WNT2: variants seen among roughly 807,000 people sequenced by gnomAD.
WNT2 encodes the protein Wnt family member 2.
WNT2 carries 12 observed loss-of-function variants against 36.9 expected under a neutral mutation model. The observed-to-expected ratio is 0.33, with a 90% CI of 0.21 to 0.53. WNT2 has a LOEUF of 0.53. WNT2 is among the 20% of genes least tolerant of loss of function. The pLI, the probability that WNT2 is intolerant of heterozygous loss-of-function variation, is 0.95. For synonymous variants in WNT2, 163 were observed against 174.6 expected, an observed-to-expected ratio of 0.93 and a Z score of 0.52; for missense variants, 379 against 473.1, an observed-to-expected ratio of 0.80 and a Z score of 1.84.
chr7:117,286,971 C>A (rs968640229), intron 4 of WNT2, among the ~76,000 whole-genome samples: 1 of 152,234 alleles, frequency 6.6e-6, no homozygotes, highest in South Asian at 2.1e-4. Context: ...TGTAGTCCAC[C>A]TATACCTGCT....
chr7:117,277,379 T>C lies in WNT2; in HGVS notation c.*776A>G, dbSNP rs1237196290. 6.6e-6 allele frequency: 1 copy of C among 152,254 alleles called. No individual in the cohort carries two copies. Among genetic ancestry groups the C allele is most frequent in the Admixed American group, 6.5e-5 (1 of 15,290 alleles). 9.4% of individuals were successfully genotyped at this position (152,254 alleles called of 1,614,324 possible). A position where few individuals can be genotyped will look rare whatever the true frequency, so the allele number is the denominator to read the frequency against. ...CTTCTTTTTAATTCCCTTCGGATTC[T>C]AAGTGAGAAGGAACTCTCATTCCCT... On this transcript the variant is annotated 3_prime_UTR_variant, in exon 5 of 5. Transcript: ENST00000265441.
intron 2 of WNT2, among the ~76,000 whole-genome samples, chr7:117,318,503 A>G (rs1035503936): frequency 6.6e-6 from 1 of 152,206 alleles, no homozygotes; most frequent in Non-Finnish European, 1.5e-5. Context: ...ATCTGAAGGA[A>G]GTACAAGTTA....
At position 117,321,737 on chromosome 7, in the gene WNT2, T is replaced by C. The variant is rs191743588; in HGVS notation, c.84-944A>G. Among the ~76,000 whole-genome samples the C allele has an allele frequency of 1.3e-3, 205 of 152,292 alleles. 2 individuals are homozygous for C. Among genetic ancestry groups the C allele is most frequent in the Middle Eastern group, 6.8e-3 (2 of 294 alleles). ...ACAATGTGACAAAAAGCCTGAGCAA[T>C]AAATAATGTTTATACACCCATGGAA... On this transcript the variant is annotated intron_variant, in intron 1 of 4. Coordinates refer to ENST00000265441, the MANE Select transcript of WNT2 (RefSeq NM_003391.3).
At chr7:117,317,442 T>C (rs1795243144) in intron 2 of WNT2, among the ~76,000 whole-genome samples, 1 of 152,248 alleles carries the variant, frequency 6.6e-6, no homozygotes, top group Non-Finnish European at 1.5e-5. Context: ...TTCCTTTATT[T>C]AAATTAAAAA....
At chr7:117,281,724 TA>T (rs1184037877) in intron 4 of WNT2, among the ~76,000 whole-genome samples, 1 of 151,938 alleles carries the variant, frequency 6.6e-6, no homozygotes, top group Non-Finnish European at 1.5e-5. Flanking sequence ...GCAGAACAAA[TA>T]CATGATTGGC....
At chr7:117,313,583 T>G (rs1166694713) in intron 3 of WNT2, among the ~76,000 whole-genome samples, 1 of 152,262 alleles carries the variant, frequency 6.6e-6, no homozygotes, top group Non-Finnish European at 1.5e-5. Context: ...GATAAGTCAA[T>G]GTTCTTTTGG....
rs1250931947 is a variant in WNT2 at position 117,284,477 on chromosome 7, CTTG to C, written c.854-6096_854-6094del. ...TGTTTTTTCTCAAATAATATACAAA[CTTG>C]TTAACTGAGTCACTCACCCTTGCTT... On this transcript the variant is annotated intron_variant, in intron 4 of 4. Coordinates refer to ENST00000265441, the MANE Select transcript of WNT2 (RefSeq NM_003391.3). The surrounding 1 kb of genome is among the most constrained non-coding windows in gnomAD (Gnocchi z 5.2). 4.6e-5 allele frequency among the ~76,000 whole-genome samples: 7 copies of C among 152,178 alleles called. No individual in the cohort carries two copies. Among genetic ancestry groups the C allele is most frequent in the African/African-American group, 1.7e-4 (7 of 41,454 alleles).
At chr7:117,285,231 C>T (rs1794558761) in intron 4 of WNT2, among the ~76,000 whole-genome samples, 1 of 152,188 alleles carries the variant, frequency 6.6e-6, no homozygotes. Flanking sequence ...GTCAGTTGCT[C>T]ATGCTGCATT....
intron 1 of WNT2, among the ~76,000 whole-genome samples, chr7:117,321,012 T>C (rs1334827827): frequency 6.6e-6 from 1 of 152,182 alleles, no homozygotes; most frequent in Non-Finnish European, 1.5e-5. Flanking sequence ...ATCCCCAAAA[T>C]GCTGTGATGA....
In WNT2 at chr7:117,322,536, T is replaced by TACACACACACACACACACACAC. The variant is rs144898264; in HGVS notation, c.83+349_83+370dup. Among the ~76,000 whole-genome samples the TACACACACACACACACACACAC allele has an allele frequency of 8.8e-4, 112 of 127,994 alleles. No homozygotes were observed. The highest frequency in any genetic ancestry group is 2.4e-3 in the African/African-American group (76 of 32,210). 84.0% of individuals were successfully genotyped at this position (127,994 alleles called of 152,430 possible). A position where few individuals can be genotyped will look rare whatever the true frequency, so the allele number is the denominator to read the frequency against. On this transcript the variant is annotated intron_variant, in intron 1 of 4. Coordinates refer to ENST00000265441, the MANE Select transcript of WNT2 (RefSeq NM_003391.3). The surrounding 1 kb of genome is among the most constrained non-coding windows in gnomAD (Gnocchi z 5.4). ...GCGGTTGTAGTTTTCAAGGTGAATT[T>TACACACACACACACACACACAC]ACACACACACACACACACACACACA...
chr7:117,306,639 T>G (rs1795019395), intron 3 of WNT2, among the ~76,000 whole-genome samples: 1 of 152,188 alleles, frequency 6.6e-6, no homozygotes. Flanking sequence ...AGCCTTCTCG[T>G]ATGCTCCTGT....
At chr7:117,296,708 A>G (rs1450473544) in intron 4 of WNT2, among the ~76,000 whole-genome samples, 1 of 152,152 alleles carries the variant, frequency 6.6e-6, no homozygotes, top group Non-Finnish European at 1.5e-5. Flanking sequence ...GAGCATGAAC[A>G]TGTGTAAACC....
In WNT2 at chr7:117,306,759, C is replaced by T. The variant is rs187494899; in HGVS notation, c.588+8312G>A. 1.8e-3 allele frequency among the ~76,000 whole-genome samples: 278 copies of T among 152,286 alleles called. 1 individual carries two copies. Among genetic ancestry groups the T allele is most frequent in the Middle Eastern group, 6.8e-3 (2 of 294 alleles). Reference sequence around the variant, plus strand: ...CCTTAATCCCATCTAAGTTTTACTACGTGGCATCCTGTCAATAAATACTTG... The same window carrying T: ...CCTTAATCCCATCTAAGTTTTACTATGTGGCATCCTGTCAATAAATACTTG... On this transcript the variant is annotated intron_variant, in intron 3 of 4. Transcript: ENST00000265441.
At chr7:117,290,035 G>A (rs971921630) in intron 4 of WNT2, among the ~76,000 whole-genome samples, 5 of 152,100 alleles carry the variant, frequency 3.3e-5, no homozygotes, top group African/African-American at 1.2e-4. Flanking sequence ...CAAGTTTCAG[G>A]GGACAGGGCA....
At chr7:117,290,947 C>T (rs955909276) in intron 4 of WNT2, among the ~76,000 whole-genome samples, 1 of 152,208 alleles carries the variant, frequency 6.6e-6, no homozygotes, top group Admixed American at 6.5e-5. Context: ...GTAAGATCCA[C>T]CCATTGCTAT....
rs753346526 is a variant in WNT2 at position 117,315,094 on chromosome 7, G to A, written c.565C>T (p.His189Tyr). The A allele has an allele frequency of 6.2e-7, 1 of 1,614,160 alleles. No individual in the cohort carries two copies. Among genetic ancestry groups the A allele is most frequent in the East Asian group, 2.2e-5 (1 of 44,882 alleles). Residue 189 changes from histidine (H) to tyrosine (Y), a missense_variant, in exon 3 of 5, where the codon CAC becomes TAC. Coordinates refer to ENST00000265441, the MANE Select transcript of WNT2 (RefSeq NM_003391.3). ...GKDARALMNL[H>Y]NNRAGRKAVK... ...ACCTTCCTGCCAGCTCTGTTGTTGTGAAGATTCATCAGGGCTCTGGCATCC... is the reference window on the plus strand; with the variant it reads ...ACCTTCCTGCCAGCTCTGTTGTTGTAAAGATTCATCAGGGCTCTGGCATCC...
intron 3 of WNT2, among the ~76,000 whole-genome samples, chr7:117,308,623 T>C (rs1367982642): frequency 6.6e-6 from 1 of 152,192 alleles, no homozygotes; most frequent in Non-Finnish European, 1.5e-5. Context: ...TTTTATGAAC[T>C]AAGGAGACCA....
chr7:117,300,333 CG>C (rs1202961069), intron 3 of WNT2, among the ~76,000 whole-genome samples: 2 of 152,048 alleles, frequency 1.3e-5, no homozygotes, highest in African/African-American at 4.8e-5. Flanking sequence ...ACTACAGGCG[CG>C]GGTCACCACG....
At chr7:117,296,025 C>T (rs955049136) in intron 4 of WNT2, among the ~76,000 whole-genome samples, 1 of 152,132 alleles carries the variant, frequency 6.6e-6, no homozygotes, top group African/African-American at 2.4e-5. Context: ...CAGCCCAGTA[C>T]CCAGTGCACA....
Sources: allele counts gnomAD v4.1 joint callset (sites outside exome capture counted in the v4.1 genomes callset), GRCh38; gene constraint gnomAD v4.1.1; non-coding constraint Gnocchi (gnomAD v3.1); transcripts MANE v1.5; gene names NCBI Gene and HGNC (gene_info 2026-07-23, HGNC 2026-07-21).